The following RPS6KC1 variants were observed in gnomAD, a reference collection of about 807,000 sequenced individuals.
RPS6KC1 encodes ribosomal protein S6 kinase C1.
A neutral mutation model predicts 103.8 loss-of-function variants in RPS6KC1; 54 were observed. That is an observed-to-expected ratio of 0.52 (90% CI 0.42 to 0.65). The LOEUF is 0.65. RPS6KC1 is among the 30% of genes least tolerant of loss of function. The pLI, the probability that RPS6KC1 is intolerant of heterozygous loss-of-function variation, is 0.00. For missense variants in RPS6KC1, 1,151 were observed against 1,253.8 expected, an observed-to-expected ratio of 0.92 and a Z score of 1.24; for synonymous variants, 439 against 438.7, an observed-to-expected ratio of 1.00 and a Z score of -0.01.
the RPS6KC1 span, among the ~76,000 whole-genome samples, chr1:213,358,070 A>T: frequency 3.9e-5 from 6 of 152,238 alleles, no homozygotes; most frequent in Non-Finnish European, 7.3e-5. Context: ...ATCGATGTTC[A>T]TCAGGGATAT....
the RPS6KC1 span, among the ~76,000 whole-genome samples, chr1:213,779,400 G>T: frequency 3.9e-5 from 6 of 152,308 alleles, no homozygotes; most frequent in African/African-American, 1.4e-4. Flanking sequence ...CTGGTGCTCA[G>T]GTATGACACA....
the RPS6KC1 span, among the ~76,000 whole-genome samples, chr1:213,489,709 A>C: frequency 6.6e-6 from 1 of 152,196 alleles, no homozygotes; most frequent in Non-Finnish European, 1.5e-5. Flanking sequence ...AGACTAGGTG[A>C]TGTGGCTGAA....
chr1:213,507,240 G>A, the RPS6KC1 span, among the ~76,000 whole-genome samples: 4 of 152,120 alleles, frequency 2.6e-5, no homozygotes, highest in African/African-American at 9.7e-5. Flanking sequence ...GCTAACACTT[G>A]CCAGGTACTA....
At chr1:213,845,341 CT>C in the RPS6KC1 span, among the ~76,000 whole-genome samples, 1 of 152,092 alleles carries the variant, frequency 6.6e-6, no homozygotes, top group Non-Finnish European at 1.5e-5. Context: ...GATCTCATCC[CT>C]TTGTTATTTT....
At chr1:213,191,972 C>T (rs2092764938) in intron 8 of RPS6KC1, among the ~76,000 whole-genome samples, 1 of 151,950 alleles carries the variant, frequency 6.6e-6, no homozygotes, top group Admixed American at 6.6e-5. Context: ...CCATGCCCAG[C>T]TTATTTTTGT....
the RPS6KC1 span, among the ~76,000 whole-genome samples, chr1:213,355,223 G>GA: frequency 4.5e-4 from 66 of 147,054 alleles, no homozygotes; most frequent in East Asian, 1.4e-3. Context: ...TCTCACAAAG[G>GA]AAAAAAAAAA....
the RPS6KC1 span, among the ~76,000 whole-genome samples, chr1:213,415,578 C>T: frequency 1.3e-5 from 2 of 152,200 alleles, no homozygotes; most frequent in African/African-American, 2.4e-5. Flanking sequence ...CCCTCAAGGG[C>T]GAAGCGGTAG....
chr1:213,052,610 T>C (rs2077042659), intron 1 of RPS6KC1, among the ~76,000 whole-genome samples: 1 of 152,032 alleles, frequency 6.6e-6, no homozygotes, highest in Non-Finnish European at 1.5e-5. Context: ...GCATGATCTC[T>C]GCTCACCGCA....
the RPS6KC1 span, among the ~76,000 whole-genome samples, chr1:213,470,611 A>ATTTTTTTTTTTTTTTTTTTT: frequency 2.0e-5 from 2 of 99,806 alleles, no homozygotes; most frequent in Non-Finnish European, 4.0e-5. Context: ...TTTATTCTTA[A>ATTTTTTTTTTTTTTTTTTTT]TTTTTTTTTT....
the RPS6KC1 span, among the ~76,000 whole-genome samples, chr1:213,640,157 C>A: frequency 6.6e-6 from 1 of 151,908 alleles, no homozygotes; most frequent in Non-Finnish European, 1.5e-5. Flanking sequence ...AGAATTGGCT[C>A]ATTTAATCTA....
chr1:213,798,422 G>A, the RPS6KC1 span, among the ~76,000 whole-genome samples: 71 of 152,302 alleles, frequency 4.7e-4, 1 homozygote, highest in African/African-American at 1.7e-3. Context: ...CCCAGGGCTA[G>A]GATAACTATT....
At chr1:213,214,520 A>G (rs552459674) in intron 8 of RPS6KC1, among the ~76,000 whole-genome samples, 39 of 152,338 alleles carry the variant, frequency 2.6e-4, no homozygotes, top group Non-Finnish European at 5.1e-4. Flanking sequence ...ACAGCTTTGA[A>G]GAGAGTAGTG....
chr1:213,514,799 C>T, the RPS6KC1 span, among the ~76,000 whole-genome samples: 14 of 152,150 alleles, frequency 9.2e-5, no homozygotes, highest in African/African-American at 1.9e-4. Context: ...CCTGAGGAAT[C>T]GCCACACTGA....
the RPS6KC1 span, among the ~76,000 whole-genome samples, chr1:213,814,944 C>T: frequency 6.6e-6 from 1 of 152,156 alleles, no homozygotes; most frequent in Non-Finnish European, 1.5e-5. Flanking sequence ...ATTCTTATCA[C>T]TCCAAGTTAT....
intron 1 of RPS6KC1, among the ~76,000 whole-genome samples, chr1:213,059,337 C>T (rs533510835): frequency 6.6e-6 from 1 of 152,108 alleles, no homozygotes; most frequent in Admixed American, 6.6e-5. Context: ...TCTTTTATTT[C>T]TTTTTCTTGC....
the RPS6KC1 span, among the ~76,000 whole-genome samples, chr1:213,525,522 A>G: frequency 6.6e-6 from 1 of 152,212 alleles, no homozygotes; most frequent in African/African-American, 2.4e-5. Flanking sequence ...ATTTAAAGCC[A>G]GGAAACTTAG....
chr1:213,560,024 G>T, the RPS6KC1 span, among the ~76,000 whole-genome samples: 3 of 151,978 alleles, frequency 2.0e-5, no homozygotes, highest in Admixed American at 2.0e-4. Flanking sequence ...GAAACTCTTG[G>T]TTCAGAGATA....
the RPS6KC1 span, among the ~76,000 whole-genome samples, chr1:213,296,555 A>T: frequency 6.6e-6 from 1 of 152,208 alleles, no homozygotes; most frequent in African/African-American, 2.4e-5. Flanking sequence ...ACTGTAGAAG[A>T]TAATCAGCCA....
chr1:213,488,330 G>C, the RPS6KC1 span, among the ~76,000 whole-genome samples: 1 of 152,326 alleles, frequency 6.6e-6, no homozygotes, highest in East Asian at 1.9e-4. Flanking sequence ...ATTATAAACT[G>C]TTATGGGAAC....
Sources: gnomAD v4.1 joint callset for allele counts (sites outside exome capture counted in the v4.1 genomes callset) on GRCh38, gnomAD v4.1.1 for gene constraint, MANE v1.5 for transcripts, NCBI Gene and HGNC (gene_info 2026-07-23, HGNC 2026-07-21) for gene names.